LUC7L2: variants seen among roughly 807,000 people sequenced by gnomAD.
LUC7L2 encodes the protein LUC7 like 2, pre-mRNA splicing factor, also known as putative RNA-binding protein Luc7-like 2.
In LUC7L2, 25 loss-of-function variants were observed where a neutral mutation model predicts 52.8. The observed-to-expected ratio is 0.47, with a 90% CI of 0.34 to 0.66. The LOEUF is 0.66. LUC7L2 is among the 30% of genes least tolerant of loss of function. LUC7L2 has a pLI of 0.01. For synonymous variants in LUC7L2, 144 were observed against 160.9 expected, an observed-to-expected ratio of 0.89 and a Z score of 0.80; for missense variants, 328 against 497.8, an observed-to-expected ratio of 0.66 and a Z score of 3.25.
At chr7:139,414,671 C>T (rs1241619385) in intron 8 of LUC7L2, among the ~76,000 whole-genome samples, 2 of 152,216 alleles carry the variant, frequency 1.3e-5, no homozygotes, top group African/African-American at 4.8e-5. Flanking sequence ...TCCAGCCACA[C>T]TGGTCTTTTC....
At chr7:139,402,495 C>T (rs751419148) in intron 4 of LUC7L2, among the ~76,000 whole-genome samples, 8 of 151,564 alleles carry the variant, frequency 5.3e-5, no homozygotes, top group Non-Finnish European at 1.2e-4. Context: ...TTTGTGTATG[C>T]ATGTCTGTAT....
intron 2 of LUC7L2, among the ~76,000 whole-genome samples, chr7:139,392,923 G>C (rs1312285544): frequency 6.6e-6 from 1 of 151,554 alleles, no homozygotes; most frequent in African/African-American, 2.4e-5. Flanking sequence ...CAAAGTGCTG[G>C]AATTATAGGC....
intron 3 of LUC7L2, among the ~76,000 whole-genome samples, chr7:139,400,987 TGTA>T (rs1258722000): frequency 6.6e-6 from 1 of 152,244 alleles, no homozygotes; most frequent in Non-Finnish European, 1.5e-5. Context: ...TTCAAACATT[TGTA>T]TCTTGAATTA....
intron 3 of LUC7L2, among the ~76,000 whole-genome samples, chr7:139,401,527 A>C (rs1052866205): frequency 1.3e-5 from 2 of 152,124 alleles, no homozygotes; most frequent in African/African-American, 4.8e-5. Flanking sequence ...ATCTTGGCTC[A>C]CTGCAACCTC....
At chr7:139,408,328 G>C (rs1043811226) in intron 6 of LUC7L2, among the ~76,000 whole-genome samples, 1 of 152,156 alleles carries the variant, frequency 6.6e-6, no homozygotes, top group African/African-American at 2.4e-5. Flanking sequence ...AGTCTTTGCA[G>C]ATAGACCTAG....
At chr7:139,350,528 C>A (rs1799420970) in intron 1 of LUC7L2, among the ~76,000 whole-genome samples, 1 of 152,018 alleles carries the variant, frequency 6.6e-6, no homozygotes. Flanking sequence ...CCCTCTACTA[C>A]CACCAAAACT....
chr7:139,412,127 T>G (rs961907755), intron 7 of LUC7L2, among the ~76,000 whole-genome samples: 6 of 151,742 alleles, frequency 4.0e-5, no homozygotes, highest in Non-Finnish European at 5.9e-5. Context: ...ATCGGCCACC[T>G]GTAATCCCAG....
intron 2 of LUC7L2, among the ~76,000 whole-genome samples, chr7:139,394,057 CCTCT>C (rs1451633067): frequency 2.0e-5 from 3 of 151,554 alleles, no homozygotes; most frequent in Non-Finnish European, 1.5e-5. Flanking sequence ...AACTAGCCTG[CCTCT>C]TGGAGGAAAA....
intron 2 of LUC7L2, among the ~76,000 whole-genome samples, chr7:139,389,275 T>A (rs1310304425): frequency 6.6e-6 from 1 of 152,200 alleles, no homozygotes. Context: ...CTTCTTTGCC[T>A]ACAGAATAAA....
rs775518648 is a variant in LUC7L2 at position 139,360,234 on chromosome 7, C to T, written c.-28C>T. 35 of 1,541,374 alleles carry T rather than the reference C, an allele frequency of 2.3e-5. No individual in the cohort carries two copies. The highest frequency in any genetic ancestry group is 2.8e-5 in the Non-Finnish European group (32 of 1,142,342). On this transcript the variant is annotated 5_prime_UTR_variant, in exon 1 of 10. Transcript: ENST00000354926. The stretch of plus-strand genomic sequence containing the variant: ...AAAGGGCCCGGTCTGCGCCCCACCC[C>T]CGCCCGTCCGCCCGCTACGCCGCCG...
Position 139,422,419 on chromosome 7 carries a change from G to A in LUC7L2, c.*79G>A. 6.6e-7 allele frequency: 1 copy of A among 1,514,168 alleles called. No individual in the cohort carries two copies. Among genetic ancestry groups the A allele is most frequent in the Non-Finnish European group, 8.8e-7 (1 of 1,133,368 alleles). The allele number at this position is 1,514,168 out of a possible 1,614,324, so 93.8% of individuals were successfully genotyped here. A position where few individuals can be genotyped will look rare whatever the true frequency, so the allele number is the denominator to read the frequency against. On this transcript the variant is annotated 3_prime_UTR_variant, in exon 10 of 10. Transcript: ENST00000354926. ...TGTTTAGTTCACAGCTGTTCAGGGTGACAGTGAGCAGATCCAGACACCAGA... is the reference window on the plus strand; with the variant it reads ...TGTTTAGTTCACAGCTGTTCAGGGTAACAGTGAGCAGATCCAGACACCAGA...
At chr7:139,393,507 A>G (rs1293298297) in intron 2 of LUC7L2, among the ~76,000 whole-genome samples, 2 of 152,076 alleles carry the variant, frequency 1.3e-5, no homozygotes, top group African/African-American at 4.8e-5. Context: ...GCTGGAGTGC[A>G]CGATCTCAGC....
chr7:139,370,686 C>A (rs915008813), intron 1 of LUC7L2, among the ~76,000 whole-genome samples: 3 of 152,166 alleles, frequency 2.0e-5, no homozygotes, highest in African/African-American at 7.2e-5. Context: ...AACTCCTGAC[C>A]GCAGGTGATC....
intron 8 of LUC7L2, chr7:139,416,342 T>C (rs1277503209): frequency 6.6e-6 from 1 of 151,872 alleles, no homozygotes; most frequent in Non-Finnish European, 1.5e-5. Context: ...ACCTTGTGGG[T>C]TTTTTTCTTT....
chr7:139,350,130 T>TTTTTTTTTTGA (rs1799403445), intron 1 of LUC7L2, among the ~76,000 whole-genome samples: 1 of 148,760 alleles, frequency 6.7e-6, no homozygotes, highest in Non-Finnish European at 1.5e-5. Context: ...AACCTTATCT[T>TTTTTTTTTTGA]TTTTTTTTTG....
intron 2 of LUC7L2, among the ~76,000 whole-genome samples, chr7:139,391,816 G>A (rs1384937647): frequency 6.6e-6 from 1 of 152,146 alleles, no homozygotes; most frequent in East Asian, 1.9e-4. Context: ...CGAACTCCTG[G>A]CCTCTAGTGA....
intron 1 of LUC7L2, among the ~76,000 whole-genome samples, chr7:139,370,827 C>A (rs367965425): frequency 1.3e-5 from 2 of 152,118 alleles, no homozygotes; most frequent in South Asian, 4.1e-4. Flanking sequence ...GGCCATGGAT[C>A]TTTATACAGT....
intron 1 of LUC7L2, chr7:139,371,450 A>G (rs1417267839): frequency 4.5e-6 from 7 of 1,543,076 alleles, no homozygotes; most frequent in East Asian, 2.4e-5. Flanking sequence ...TACAGGGAGC[A>G]TCGGAGAGAA....
rs145341272 is a variant in LUC7L2, at chr7:139,402,113, A to G, written c.256-24A>G. 7 of 1,559,102 alleles carry G rather than the reference A, an allele frequency of 4.5e-6. No individual in the cohort carries two copies. In the African/African-American group the frequency reaches 7.0e-5, roughly 16 times the overall value. ...GAATAAAATTGACTTTCTGACAGTA[A>G]TTGTCTTTAATTAAACTTTGTAGGC... On this transcript the variant is annotated intron_variant, in intron 3 of 9. Coordinates refer to ENST00000354926, the MANE Select transcript of LUC7L2 (RefSeq NM_016019.5).
Sources: allele counts gnomAD v4.1 joint callset (sites outside exome capture counted in the v4.1 genomes callset), GRCh38; gene constraint gnomAD v4.1.1; transcripts MANE v1.5; gene names NCBI Gene and HGNC (gene_info 2026-07-23, HGNC 2026-07-21).